Variants in TSC22D1 observed in about 807,000 individuals in gnomAD.
TSC22D1 encodes TSC22 domain family protein 1.
In TSC22D1, 9 loss-of-function variants were observed where a neutral mutation model predicts 74.2. The ratio of observed to expected loss-of-function variants is 0.12; its 90% CI spans 0.07 to 0.21. The LOEUF (loss-of-function observed/expected upper bound fraction) is 0.21. Ranked by LOEUF, TSC22D1 falls within the 10% of genes least tolerant of loss-of-function variation. The pLI, the probability that TSC22D1 is intolerant of heterozygous loss-of-function variation, is 1.00. For synonymous variants in TSC22D1, 586 were observed against 492.5 expected, an observed-to-expected ratio of 1.19 and a Z score of -2.51; for missense variants, 1,427 against 1,304.7, an observed-to-expected ratio of 1.09 and a Z score of -1.44.
intron 1 of TSC22D1, among the ~76,000 whole-genome samples, chr13:44,561,942 C>T (rs918355269): frequency 2.6e-5 from 4 of 152,032 alleles, no homozygotes; most frequent in African/African-American, 4.8e-5. Flanking sequence ...GGAGAGAGAG[C>T]GAGCTATGCA....
intron 1 of TSC22D1, among the ~76,000 whole-genome samples, chr13:44,465,020 A>C (rs1471221608): frequency 3.9e-5 from 6 of 152,208 alleles, no homozygotes; most frequent in Non-Finnish European, 5.9e-5. Context: ...CTCTGGTTAC[A>C]ATGCTGCACA....
intron 1 of TSC22D1, among the ~76,000 whole-genome samples, chr13:44,526,004 A>G (rs190653123): frequency 1.3e-5 from 2 of 152,228 alleles, no homozygotes; most frequent in Non-Finnish European, 2.9e-5. Flanking sequence ...CACGAGGCTG[A>G]GGCTGGAGAA....
chr13:44,552,511 TC>T (rs1882351786), intron 1 of TSC22D1, among the ~76,000 whole-genome samples: 2 of 152,150 alleles, frequency 1.3e-5, no homozygotes, highest in South Asian at 4.2e-4. Context: ...GAAAGTCTAT[TC>T]CCCCACTAAG....
intron 1 of TSC22D1, among the ~76,000 whole-genome samples, chr13:44,465,163 G>A (rs984900321): frequency 6.6e-6 from 1 of 152,046 alleles, no homozygotes; most frequent in Non-Finnish European, 1.5e-5. Context: ...AAACTTTCAC[G>A]GTACTAGGAC....
chr13:44,514,372 T>TA (rs889152990), intron 1 of TSC22D1, among the ~76,000 whole-genome samples: 2 of 150,294 alleles, frequency 1.3e-5, no homozygotes, highest in African/African-American at 4.9e-5. Flanking sequence ...TTTGACTACA[T>TA]AAAAAAAACC....
intron 1 of TSC22D1, among the ~76,000 whole-genome samples, chr13:44,553,449 G>T (rs1386776465): frequency 6.6e-6 from 1 of 151,866 alleles, no homozygotes; most frequent in East Asian, 1.9e-4. Context: ...TAAAAAACCA[G>T]ATATTGACTT....
rs1451407179 is a variant in TSC22D1 at position 44,432,945 on chromosome 13, C to T, written c.*1681G>A. The T allele has an allele frequency of 6.6e-6, 1 of 152,184 alleles. No homozygotes were observed. The highest frequency in any genetic ancestry group is 1.5e-5 in the Non-Finnish European group (1 of 68,040). The allele number at this position is 152,184 out of a possible 1,614,324, so 9.4% of individuals were successfully genotyped here. The stretch of plus-strand genomic sequence containing the variant: ...AATTTTGGCCTGTTTTATAGTCATG[C>T]AGAATCAACTGCAAGGACATCCTTG... On this transcript the variant is annotated 3_prime_UTR_variant, in exon 3 of 3. Coordinates refer to ENST00000458659, the MANE Select transcript of TSC22D1 (RefSeq NM_183422.4).
At chr13:44,560,472 T>C (rs1201673171) in intron 1 of TSC22D1, among the ~76,000 whole-genome samples, 1 of 152,240 alleles carries the variant, frequency 6.6e-6, no homozygotes, top group Admixed American at 6.5e-5. Context: ...TAGGAACTTT[T>C]AATTTTACTT....
intron 1 of TSC22D1, among the ~76,000 whole-genome samples, chr13:44,441,019 T>C (rs550663093): frequency 4.5e-4 from 69 of 152,228 alleles, no homozygotes; most frequent in African/African-American, 1.7e-3. Context: ...AGTGTAAAGG[T>C]AGAATTAAAA....
chr13:44,447,812 TAAG>T (rs1399478774), intron 1 of TSC22D1, among the ~76,000 whole-genome samples: 3 of 147,746 alleles, frequency 2.0e-5, no homozygotes. Context: ...TCTATAATGC[TAAG>T]AAGACCCAAT....
chr13:44,452,796 C>CGAGG (rs1876250162), intron 1 of TSC22D1: 1 of 152,208 alleles, frequency 6.6e-6, no homozygotes, highest in Admixed American at 6.5e-5. Flanking sequence ...GAGACTAAAT[C>CGAGG]GAGGCATTAT....
rs373794730 is a variant in TSC22D1, at chr13:44,575,866, G to A, written c.209C>T (p.Ala70Val). The A allele has an allele frequency of 2.5e-6, 4 of 1,613,986 alleles. No homozygotes were observed. Among genetic ancestry groups the A allele is most frequent in the Non-Finnish European group, 3.4e-6 (4 of 1,180,000 alleles). Residue 70 changes from alanine (A) to valine (V), a missense_variant, in exon 1 of 3, where the codon GCA (alanine) becomes GTA (valine). Physicochemically the swap from Ala to Val is moderately conservative, Grantham distance 64. Coordinates refer to ENST00000458659, the MANE Select transcript of TSC22D1 (RefSeq NM_183422.4). ...PPSLLQPPPPAASSTSGPQPP... is the reference protein window; with the variant it reads ...PPSLLQPPPPVASSTSGPQPP... ...CTGTGGTCCCGACGTAGAAGATGCTGCAGGGGGCGGCGGCTGAAGCAGCGA... is the reference window on the plus strand; with the variant it reads ...CTGTGGTCCCGACGTAGAAGATGCTACAGGGGGCGGCGGCTGAAGCAGCGA...
intron 1 of TSC22D1, among the ~76,000 whole-genome samples, chr13:44,511,573 A>C: frequency 6.6e-6 from 1 of 152,008 alleles, no homozygotes; most frequent in East Asian, 1.9e-4. Context: ...ATGACAATCC[A>C]AAAACACCTA....
At chr13:44,499,370 T>C (rs1879120450) in intron 1 of TSC22D1, among the ~76,000 whole-genome samples, 1 of 152,218 alleles carries the variant, frequency 6.6e-6, no homozygotes, top group Non-Finnish European at 1.5e-5. Flanking sequence ...TCTCAGGATT[T>C]CCTTGATGAC....
chr13:44,519,591 G>A (rs1015115290), intron 1 of TSC22D1, among the ~76,000 whole-genome samples: 4 of 152,030 alleles, frequency 2.6e-5, no homozygotes, highest in African/African-American at 4.8e-5. Context: ...GGTAAATGGC[G>A]ACTCTCAGGT....
At chr13:44,524,721 A>G (rs979225309) in intron 1 of TSC22D1, among the ~76,000 whole-genome samples, 5 of 150,848 alleles carry the variant, frequency 3.3e-5, no homozygotes, top group Non-Finnish European at 7.4e-5. Flanking sequence ...ATTATTTTAG[A>G]AGAGATGAGG....
chr13:44,533,609 C>T (rs755253065), intron 1 of TSC22D1, among the ~76,000 whole-genome samples: 2 of 152,122 alleles, frequency 1.3e-5, no homozygotes, highest in Middle Eastern at 3.4e-3. Context: ...CATGGTGAAG[C>T]CCCATCTCTA....
intron 1 of TSC22D1, among the ~76,000 whole-genome samples, chr13:44,553,217 G>A (rs922388934): frequency 1.4e-4 from 22 of 152,276 alleles, no homozygotes; most frequent in Non-Finnish European, 2.4e-4. Context: ...TATGATGAAA[G>A]AGTTGGATTT....
intron 1 of TSC22D1, among the ~76,000 whole-genome samples, chr13:44,446,766 A>AAAG (rs1875678106): frequency 7.3e-5 from 1 of 13,696 alleles, no homozygotes; most frequent in Non-Finnish European, 3.3e-4. Flanking sequence ...AAGAAGAAGA[A>AAAG]GAGGAAGAAG....
Sources: allele counts gnomAD v4.1 joint callset (sites outside exome capture counted in the v4.1 genomes callset), GRCh38; gene constraint gnomAD v4.1.1; transcripts MANE v1.5; gene names NCBI Gene and HGNC (gene_info 2026-07-23, HGNC 2026-07-21).